FRMD5: variants seen among roughly 807,000 people sequenced by gnomAD.
FRMD5 encodes FERM domain containing 5.
A neutral mutation model predicts 69.0 loss-of-function variants in FRMD5; 20 were observed. That is an observed-to-expected ratio of 0.29 (90% CI 0.20 to 0.42). The LOEUF is 0.42. Ranked by LOEUF, FRMD5 falls within the 10% of genes least tolerant of loss-of-function variation. The pLI is 1.00. For synonymous variants in FRMD5, 271 were observed against 260.1 expected (o/e 1.04, Z -0.40); for missense variants, 595 against 708.6 (o/e 0.84, Z 1.82).
chr15:43,883,938 C>T, intron 12 of FRMD5, 129 bp from the exon 13 acceptor site: 2 of 673,634 alleles, frequency 3.0e-6, no homozygotes. Flanking sequence ...TTTTTAAAAT[C>T]TTTAATACCT....
chr15:43,902,889 T>A (rs765329601), intron 6 of FRMD5, among the ~76,000 whole-genome samples: 2 of 152,214 alleles, frequency 1.3e-5, no homozygotes, highest in Non-Finnish European at 2.9e-5. Flanking sequence ...GGGGCTCATA[T>A]AGCTTGCTGG....
intron 1 of FRMD5, among the ~76,000 whole-genome samples, chr15:44,107,633 A>C (rs1238764027): frequency 6.6e-6 from 1 of 152,206 alleles, no homozygotes; most frequent in Non-Finnish European, 1.5e-5. Flanking sequence ...CATGATTGGA[A>C]TTCAACTGAT....
intron 7 of FRMD5, among the ~76,000 whole-genome samples, chr15:43,897,999 G>A (rs1390384982): frequency 6.6e-6 from 1 of 152,136 alleles, no homozygotes; most frequent in Admixed American, 6.5e-5. Context: ...GGCCTCCCTA[G>A]CCATTTGGAA....
chr15:43,873,423 G>T lies in FRMD5; in HGVS notation c.*462C>A. ...CTGAGGCTGCAGTGATGAGTCTACT[G>T]GAACCCAGTGGCACCAGCAGGAAAA... On this transcript the variant is annotated 3_prime_UTR_variant, in exon 14 of 14. Transcript: ENST00000417257. The T allele has an allele frequency of 2.1e-6, 3 of 1,434,550 alleles. No homozygotes were observed. Among genetic ancestry groups the T allele is most frequent in the Non-Finnish European group, 2.7e-6 (3 of 1,104,410 alleles). 88.9% of individuals were successfully genotyped at this position (1,434,550 alleles called of 1,614,324 possible).
chr15:43,954,970 C>T (rs1045882886), intron 1 of FRMD5, among the ~76,000 whole-genome samples: 3 of 152,170 alleles, frequency 2.0e-5, no homozygotes, highest in Admixed American at 6.5e-5. Context: ...GAGTATGCCT[C>T]CTGTTCCTAC....
At chr15:43,880,020 A>C (rs1434315947) in intron 13 of FRMD5, among the ~76,000 whole-genome samples, 1 of 152,212 alleles carries the variant, frequency 6.6e-6, no homozygotes, top group Non-Finnish European at 1.5e-5. Context: ...CCAACCTCTC[A>C]GAGGGCAAGG....
chr15:43,924,561 A>G (rs1040101959), intron 1 of FRMD5, among the ~76,000 whole-genome samples: 2 of 152,192 alleles, frequency 1.3e-5, no homozygotes, highest in Non-Finnish European at 1.5e-5. Flanking sequence ...GAGTCAGGTA[A>G]GCCCAGTTCC....
intron 7 of FRMD5, chr15:43,901,924 G>C (rs1041925180): frequency 2.2e-6 from 1 of 458,656 alleles, no homozygotes; most frequent in Non-Finnish European, 3.9e-6. Context: ...TACCCATTGC[G>C]GGGCCCTAGC....
chr15:43,976,736 G>A (rs566957505), intron 1 of FRMD5, among the ~76,000 whole-genome samples: 109 of 152,146 alleles, frequency 7.2e-4, no homozygotes, highest in African/African-American at 2.5e-3. Flanking sequence ...GTGCGATCTC[G>A]GCTCACTGCA....
At chr15:44,115,556 T>C (rs1178064638) in intron 1 of FRMD5, among the ~76,000 whole-genome samples, 2 of 152,198 alleles carry the variant, frequency 1.3e-5, no homozygotes, top group Non-Finnish European at 2.9e-5. Flanking sequence ...GATACATATA[T>C]GTAAAATAAT....
intron 1 of FRMD5, among the ~76,000 whole-genome samples, chr15:44,115,818 A>T (rs538705867): frequency 6.6e-6 from 1 of 152,342 alleles, no homozygotes; most frequent in African/African-American, 2.4e-5. Context: ...CTACAAAGGT[A>T]GGTGCAGTTT....
intron 1 of FRMD5, among the ~76,000 whole-genome samples, chr15:44,024,625 A>C (rs1891352796): frequency 6.6e-6 from 1 of 152,136 alleles, no homozygotes; most frequent in Non-Finnish European, 1.5e-5. Context: ...ATCATTTCTT[A>C]AATTGGGGAA....
At chr15:43,937,627 A>G (rs1381083393) in intron 1 of FRMD5, among the ~76,000 whole-genome samples, 3 of 149,472 alleles carry the variant, frequency 2.0e-5, no homozygotes, top group Non-Finnish European at 4.4e-5. Flanking sequence ...CCTGGGTGAC[A>G]GAGTGAGACA....
chr15:43,909,877 A>G lies in FRMD5; in HGVS notation c.427+5T>C. 4 of 1,591,930 alleles carry G rather than the reference A, an allele frequency of 2.5e-6. No individual in the cohort carries two copies. Among genetic ancestry groups the G allele is most frequent in the Non-Finnish European group, 3.4e-6 (4 of 1,160,908 alleles). On this transcript the variant is annotated splice_donor_5th_base_variant and intron_variant, in intron 5 of 13. Transcript: ENST00000417257. The stretch of plus-strand genomic sequence containing the variant: ...AAGCAAACTTATCCTGTCAAAAGTC[A>G]TTACCTTGAAGGATGTAAGCTGCTA...
rs188815702 is a variant in FRMD5, at chr15:43,936,951, A to G, written c.103-12642T>C. On this transcript the variant is annotated intron_variant, in intron 1 of 13. Transcript: ENST00000417257. ...CCATTGGAAAGGGAATTAAAAGCTC[A>G]ATGCTGGAAAAAACTAATAATTACA... Among the ~76,000 whole-genome samples, 586 of 152,238 alleles carry G rather than the reference A, an allele frequency of 3.8e-3. 2 individuals are homozygous for G. The highest frequency in any genetic ancestry group is 7.9e-3 in the South Asian group (38 of 4,812).
intron 4 of FRMD5, chr15:43,918,962 A>G (rs924802118): frequency 4.1e-6 from 1 of 245,994 alleles, no homozygotes; most frequent in Non-Finnish European, 8.2e-6. Flanking sequence ...GATCCCCACA[A>G]TAGTTTATCA....
intron 1 of FRMD5, among the ~76,000 whole-genome samples, chr15:44,038,908 A>G (rs1389915203): frequency 6.6e-6 from 1 of 152,134 alleles, no homozygotes; most frequent in Non-Finnish European, 1.5e-5. Flanking sequence ...TCCCACCCCC[A>G]TAGAGCCGAG....
chr15:44,174,153 T>C (rs1236795842), intron 1 of FRMD5, among the ~76,000 whole-genome samples: 1 of 152,136 alleles, frequency 6.6e-6, no homozygotes, highest in East Asian at 1.9e-4. Flanking sequence ...TAACCATGCA[T>C]TGCTCACTCA....
chr15:43,877,650 A>G (rs538538827), intron 13 of FRMD5, among the ~76,000 whole-genome samples: 37 of 152,370 alleles, frequency 2.4e-4, no homozygotes, highest in African/African-American at 7.7e-4. Context: ...TATATTTGCC[A>G]CAGCTCTCAA....
Sources: allele counts gnomAD v4.1 joint callset (sites outside exome capture counted in the v4.1 genomes callset), GRCh38; gene constraint gnomAD v4.1.1; transcripts MANE v1.5; gene names NCBI Gene and HGNC (gene_info 2026-07-23, HGNC 2026-07-21).